MCRIP2: variants seen among roughly 807,000 people sequenced by gnomAD.
The protein encoded by MCRIP2 is MAPK regulated co-repressor interacting protein 2.
In MCRIP2, 21 loss-of-function variants were observed where a neutral mutation model predicts 23.2. The ratio of observed to expected loss-of-function variants is 0.90; its 90% CI spans 0.64 to 1.30. The LOEUF (loss-of-function observed/expected upper bound fraction) is 1.30, where lower values mean the gene tolerates loss of function less well. Among genes scored for constraint, MCRIP2 ranks in the 50% most tolerant of loss-of-function variants. The pLI is 0.00. For missense variants in MCRIP2, 234 were observed against 223.2 expected (o/e 1.05, Z -0.31); for synonymous variants, 121 against 100.2 (o/e 1.21, Z -1.24).
At position 642,021 on chromosome 16, in the gene MCRIP2, G is replaced by C; in HGVS notation, c.30G>C (p.Lys10Asn). MYTITKGPS[K>N]LVAQRRTGPT... ...ACACCATCACCAAGGGGCCCAGCAA[G>C]CTGGTCGCGCAGCGCCGCACAGGTG... Residue 10 changes from lysine to asparagine, a missense_variant, in exon 1 of 5, where the codon AAG becomes AAC. Lys to Asn is a moderately conservative substitution (Grantham distance 94, BLOSUM62 0). Coordinates refer to ENST00000307650, the MANE Select transcript of MCRIP2 (RefSeq NM_138418.4). 1.5e-6 allele frequency: 2 copies of C among 1,326,670 alleles called. No individual in the cohort carries two copies. Among genetic ancestry groups the C allele is most frequent in the Non-Finnish European group, 1.9e-6 (2 of 1,040,482 alleles). 82.2% of individuals were successfully genotyped at this position (1,326,670 alleles called of 1,614,324 possible).
chr16:641,926 A>T lies in MCRIP2; in HGVS notation c.-66A>T. ...TCCCCGCGGCGCCCGCAGTCCGTTA[A>T]GTGCGAGCCCCGGCGCAGGGGCCGG... On this transcript the variant is annotated 5_prime_UTR_variant, in exon 1 of 5. It adds an upstream start codon to the 5' untranslated region. Transcript: ENST00000307650. 1 of 1,255,526 alleles carries T rather than the reference A, an allele frequency of 8.0e-7. No individual in the cohort carries two copies. 77.8% of individuals were successfully genotyped at this position (1,255,526 alleles called of 1,614,324 possible). A position where few individuals can be genotyped will look rare whatever the true frequency, so the allele number is the denominator to read the frequency against.
chr16:644,325 C>T (rs984437113), intron 2 of MCRIP2, among the ~76,000 whole-genome samples: 2 of 152,118 alleles, frequency 1.3e-5, no homozygotes, highest in African/African-American at 2.4e-5. Context: ...CGGTGATGCG[C>T]CCACCTCGGC....
intron 2 of MCRIP2, 44 bp downstream of exon 2, chr16:642,293 T>C: frequency 8.7e-7 from 1 of 1,144,580 alleles, no homozygotes; most frequent in Non-Finnish European, 1.1e-6. Flanking sequence ...CGGCTTCCCC[T>C]CCCCCGCCGG....
Position 642,418 on chromosome 16 carries a change from C to T in MCRIP2, c.182+169C>T, listed in dbSNP as rs546318891. On this transcript the variant is annotated intron_variant, in intron 2 of 4. Coordinates refer to ENST00000307650, the MANE Select transcript of MCRIP2 (RefSeq NM_138418.4). Reference sequence around the variant, plus strand: ...TGCGCGGGTCCTGCCCACTACGCGCCCGCGGGCCTGCGCCTCGCACTTCCG... The same window carrying T: ...TGCGCGGGTCCTGCCCACTACGCGCTCGCGGGCCTGCGCCTCGCACTTCCG... 9.3e-6 allele frequency: 5 copies of T among 536,440 alleles called. No individual in the cohort carries two copies. The East Asian group carries it at 2.0e-4, about 22-fold the overall frequency. The allele number at this position is 536,440 out of a possible 1,614,324, so 33.2% of individuals were successfully genotyped here.
At chr16:645,322 C>T (rs2037454673) in intron 2 of MCRIP2, 1 of 152,176 alleles carries the variant, frequency 6.6e-6, no homozygotes, top group East Asian at 1.9e-4. Context: ...GTGGCGTGAT[C>T]TTGGCTCACT....
At position 647,555 on chromosome 16, in the gene MCRIP2, G is replaced by A. The variant is rs763150954; in HGVS notation, c.310+11G>A. Reference sequence around the variant, plus strand: ...GCTTTGTGTCCGAAGGTAGCGAGCGGGGCCAGAGGGTGCGGCATAGGCTGC... The same window carrying A: ...GCTTTGTGTCCGAAGGTAGCGAGCGAGGCCAGAGGGTGCGGCATAGGCTGC... On this transcript the variant is annotated intron_variant, in intron 3 of 4. Coordinates refer to ENST00000307650, the MANE Select transcript of MCRIP2 (RefSeq NM_138418.4). The A allele has an allele frequency of 6.2e-7, 1 of 1,612,646 alleles. No homozygotes were observed. The highest frequency in any genetic ancestry group is 8.5e-7 in the Non-Finnish European group (1 of 1,179,454).
In MCRIP2 at chr16:641,964, G is replaced by T. The variant is rs1410797664; in HGVS notation, c.-28G>T. 13 of 1,306,032 alleles carry T rather than the reference G, an allele frequency of 1.0e-5. No homozygotes were observed. In the African/African-American group the frequency reaches 1.7e-4, roughly 17 times the overall value. The allele number at this position is 1,306,032 out of a possible 1,614,324, so 80.9% of individuals were successfully genotyped here. A position where few individuals can be genotyped will look rare whatever the true frequency, so the allele number is the denominator to read the frequency against. On this transcript the variant is annotated 5_prime_UTR_variant, in exon 1 of 5. Transcript: ENST00000307650. ...GCGCAGGGGCCGGATCTGGCCGGGG[G>T]CCGGCGGCGGTGTGGGAGCGGCGCG... is the stretch of plus-strand genomic sequence containing the variant.
rs756748600 is a variant in MCRIP2, at chr16:648,095, A to T, written c.413-25A>T. The T allele has an allele frequency of 1.9e-6, 3 of 1,577,046 alleles. No individual in the cohort carries two copies. The East Asian group carries it at 6.8e-5, about 36-fold the overall frequency. On this transcript the variant is annotated intron_variant, in intron 4 of 4. Coordinates refer to ENST00000307650, the MANE Select transcript of MCRIP2 (RefSeq NM_138418.4). ...GCCGGCTGGCCTGGGAGGCAGCATCACTGCCCAGCCTTCTCTGCCCACAGA... is the reference window on the plus strand; with the variant it reads ...GCCGGCTGGCCTGGGAGGCAGCATCTCTGCCCAGCCTTCTCTGCCCACAGA...
chr16:644,831 TCTC>T (rs2037436893), intron 2 of MCRIP2, among the ~76,000 whole-genome samples: 1 of 151,806 alleles, frequency 6.6e-6, no homozygotes, highest in African/African-American at 2.4e-5. Context: ...TCCCTGCACA[TCTC>T]CTGGTGCACC....
chr16:648,268 G>T lies in MCRIP2; in HGVS notation c.*78G>T, dbSNP rs778833377. The T allele has an allele frequency of 1.8e-5, 25 of 1,406,104 alleles. No individual in the cohort carries two copies. The South Asian group carries it at 3.0e-4, about 17-fold the overall frequency. 87.1% of individuals were successfully genotyped at this position (1,406,104 alleles called of 1,614,324 possible). A position where few individuals can be genotyped will look rare whatever the true frequency, so the allele number is the denominator to read the frequency against. The stretch of plus-strand genomic sequence containing the variant: ...GCATGGCGCCCTGCCCACCCACTGC[G>T]CCTGGCTGGGTGCCGGCCACACCTG... On this transcript the variant is annotated 3_prime_UTR_variant, in exon 5 of 5. Coordinates refer to ENST00000307650, the MANE Select transcript of MCRIP2 (RefSeq NM_138418.4).
In MCRIP2 at chr16:642,267, C is replaced by G; in HGVS notation, c.182+18C>G. The G allele has an allele frequency of 8.7e-7, 1 of 1,155,302 alleles. No individual in the cohort carries two copies. Among genetic ancestry groups the G allele is most frequent in the Non-Finnish European group, 1.1e-6 (1 of 939,460 alleles). 71.6% of individuals were successfully genotyped at this position (1,155,302 alleles called of 1,614,324 possible). On this transcript the variant is annotated intron_variant, in intron 2 of 4. Coordinates refer to ENST00000307650, the MANE Select transcript of MCRIP2 (RefSeq NM_138418.4). ...CTGTCGAGGTGAGACGCGCGCGGCC[C>G]CGGCCCGGCCCGGCCCGGCTTCCCC... is the stretch of plus-strand genomic sequence containing the variant.
intron 2 of MCRIP2, 60 bp downstream of exon 2, chr16:642,309 C>T (rs1193528673): frequency 1.8e-6 from 2 of 1,138,192 alleles, no homozygotes; most frequent in Non-Finnish European, 2.2e-6. Context: ...GCCGGCCGCC[C>T]TAGAGCGGAG....
At chr16:642,740 C>G (rs895947478) in intron 2 of MCRIP2, 3 of 152,304 alleles carry the variant, frequency 2.0e-5, no homozygotes, top group Non-Finnish European at 2.9e-5. Context: ...GGGCCTCCCC[C>G]CATCCGGTTG....
At position 647,261 on chromosome 16, in the gene MCRIP2, C is replaced by T. The variant is rs541029319; in HGVS notation, c.183-156C>T. The stretch of plus-strand genomic sequence containing the variant: ...GGACTGCAAGAGAGGCCTGGGCCAC[C>T]GGCTGCTGTGGGTGGCTGCTCTCTC... On this transcript the variant is annotated intron_variant, in intron 2 of 4. Transcript: ENST00000307650. 37 of 1,014,748 alleles carry T rather than the reference C, an allele frequency of 3.6e-5. 1 individual carries two copies. Among genetic ancestry groups the T allele is most frequent in the Middle Eastern group, 3.2e-4 (1 of 3,124 alleles). The allele number at this position is 1,014,748 out of a possible 1,614,324, so 62.9% of individuals were successfully genotyped here.
intron 2 of MCRIP2, chr16:642,770 A>T (rs1221185615): frequency 1.3e-5 from 2 of 152,048 alleles, no homozygotes; most frequent in Non-Finnish European, 2.9e-5. Flanking sequence ...TTCCTAACCC[A>T]GTTAGGAAAC....
Position 647,572 on chromosome 16 carries a change from A to G in MCRIP2, c.310+28A>G, listed in dbSNP as rs370721629. On this transcript the variant is annotated intron_variant, in intron 3 of 4. Coordinates refer to ENST00000307650, the MANE Select transcript of MCRIP2 (RefSeq NM_138418.4). ...AGCGAGCGGGGCCAGAGGGTGCGGC[A>G]TAGGCTGCTGGGTCGCAAAACCATG... is the stretch of plus-strand genomic sequence containing the variant. 1.5e-5 allele frequency: 24 copies of G among 1,609,538 alleles called. No individual in the cohort carries two copies. The African/African-American group carries it at 2.9e-4, about 20-fold the overall frequency.
At position 645,765 on chromosome 16, in the gene MCRIP2, T is replaced by TG. The variant is rs1454345103; in HGVS notation, c.183-1648dup. 2.6e-5 allele frequency: 4 copies of TG among 151,476 alleles called. No individual in the cohort carries two copies. In the East Asian group the frequency reaches 7.8e-4, roughly 29 times the overall value. The allele number at this position is 151,476 out of a possible 1,614,324, so 9.4% of individuals were successfully genotyped here. A position where few individuals can be genotyped will look rare whatever the true frequency, so the allele number is the denominator to read the frequency against. On this transcript the variant is annotated intron_variant, in intron 2 of 4. Coordinates refer to ENST00000307650, the MANE Select transcript of MCRIP2 (RefSeq NM_138418.4). ...AGGGGCAGCCTGCAAGAGACGGGGG[T>TG]GGGGAGGCCCAGTGAGGGCAGGCTG...
intron 2 of MCRIP2, among the ~76,000 whole-genome samples, chr16:644,857 G>A (rs866655076): frequency 1.4e-4 from 21 of 152,030 alleles, no homozygotes; most frequent in African/African-American, 4.6e-4. Context: ...GAGGGTCAAG[G>A]CTTGTCACCC....
In MCRIP2 at chr16:647,517, G is replaced by A. The variant is rs140456076; in HGVS notation, c.283G>A (p.Glu95Lys). The A allele has an allele frequency of 1.1e-5, 17 of 1,612,794 alleles. No individual in the cohort carries two copies. Among genetic ancestry groups the A allele is most frequent in the Middle Eastern group, 1.7e-4 (1 of 6,060 alleles). Residue 95 changes from glutamate (E) to lysine (K), a missense_variant, in exon 3 of 5, where the codon GAG (glutamate) becomes AAG (lysine). Glu to Lys is a moderately conservative substitution (Grantham distance 56). Coordinates refer to ENST00000307650, the MANE Select transcript of MCRIP2 (RefSeq NM_138418.4). ...GTQETYTVAH[E>K]ENVRFVSEAW... ...CCAGGAGACCTACACAGTGGCCCAC[G>A]AGGAGAATGTCCGCTTTGTGTCCGA...
Sources: gnomAD v4.1 joint callset for allele counts (sites outside exome capture counted in the v4.1 genomes callset) on GRCh38, gnomAD v4.1.1 for gene constraint, MANE v1.5 for transcripts, NCBI Gene and HGNC (gene_info 2026-07-23, HGNC 2026-07-21) for gene names.